LRRC4C: variants seen among roughly 807,000 people sequenced by gnomAD.
The protein encoded by LRRC4C is leucine rich repeat containing 4C, also known as leucine-rich repeat-containing protein 4C.
Under a neutral mutation model 33.6 loss-of-function variants are expected in LRRC4C, and 5 were observed. The ratio of observed to expected loss-of-function variants is 0.15; its 90% confidence interval spans 0.08 to 0.31. LRRC4C has a LOEUF of 0.31. Among genes scored for constraint, LRRC4C ranks in the 10% least tolerant of loss-of-function variants. The probability of loss-of-function intolerance (pLI) is 1.00; values close to 1 mark genes in which losing one functional copy is unlikely to be tolerated. For missense variants in LRRC4C, 560 were observed against 796.7 expected, an observed-to-expected ratio of 0.70 and a Z score of 3.58; for synonymous variants, 329 against 302.0, an observed-to-expected ratio of 1.09 and a Z score of -0.93.
intron 3 of LRRC4C, among the ~76,000 whole-genome samples, chr11:40,365,233 T>TA (rs1948154789): frequency 1.3e-5 from 2 of 152,082 alleles, no homozygotes; most frequent in Admixed American, 6.6e-5. Flanking sequence ...ATATACGATT[T>TA]AAAATTAAAA....
chr11:40,822,913 C>T (rs774395637), intron 2 of LRRC4C, among the ~76,000 whole-genome samples: 15 of 151,654 alleles, frequency 9.9e-5, no homozygotes, highest in Non-Finnish European at 2.2e-4. Flanking sequence ...TTTCCCAGCA[C>T]CATTTATAGA....
At chr11:41,356,253 T>C (rs1184134935) in intron 1 of LRRC4C, among the ~76,000 whole-genome samples, 1 of 152,190 alleles carries the variant, frequency 6.6e-6, no homozygotes, top group Admixed American at 6.5e-5. Context: ...AATGATGTTA[T>C]AGGTACCAGA....
chr11:41,344,696 C>T (rs995290817), intron 1 of LRRC4C, among the ~76,000 whole-genome samples: 6 of 152,208 alleles, frequency 3.9e-5, no homozygotes, highest in African/African-American at 1.2e-4. Context: ...TTTGTCTTCT[C>T]AGCTAGATTG....
At chr11:40,640,762 C>T (rs958015553) in intron 3 of LRRC4C, among the ~76,000 whole-genome samples, 1 of 152,018 alleles carries the variant, frequency 6.6e-6, no homozygotes, top group Non-Finnish European at 1.5e-5. Flanking sequence ...CGCCTGTAAT[C>T]CCAGCACTTT....
intron 3 of LRRC4C, among the ~76,000 whole-genome samples, chr11:40,470,464 G>A (rs563212807): frequency 2.0e-4 from 30 of 152,232 alleles, no homozygotes; most frequent in Non-Finnish European, 2.5e-4. Context: ...TCCAAAAACC[G>A]GAATGTCTCT....
At chr11:41,427,521 G>T (rs146497761) in intron 1 of LRRC4C, among the ~76,000 whole-genome samples, 32 of 152,288 alleles carry the variant, frequency 2.1e-4, no homozygotes, top group African/African-American at 7.2e-4. Flanking sequence ...CTGAGTTAGG[G>T]TTCTACGAAG....
intron 1 of LRRC4C, among the ~76,000 whole-genome samples, chr11:41,146,120 C>G (rs1022419384): frequency 6.6e-6 from 1 of 152,122 alleles, no homozygotes; most frequent in African/African-American, 2.4e-5. Context: ...ATTACAAATT[C>G]TATTTTGCAT....
intron 3 of LRRC4C, among the ~76,000 whole-genome samples, chr11:40,389,643 A>T (rs1392275132): frequency 6.6e-6 from 1 of 152,166 alleles, no homozygotes; most frequent in African/African-American, 2.4e-5. Flanking sequence ...AGTTGTTAAT[A>T]ATTATTACAG....
chr11:40,324,115 T>C (rs1345924978), intron 3 of LRRC4C, among the ~76,000 whole-genome samples: 2 of 152,180 alleles, frequency 1.3e-5, no homozygotes, highest in South Asian at 4.1e-4. Context: ...CATACTCACA[T>C]AGAAGTGTGA....
chr11:41,338,935 G>T (rs1258325481), intron 1 of LRRC4C, among the ~76,000 whole-genome samples: 1 of 151,834 alleles, frequency 6.6e-6, no homozygotes, highest in South Asian at 2.1e-4. Context: ...TCCAGAGCTT[G>T]CTACTAGAAT....
intron 1 of LRRC4C, among the ~76,000 whole-genome samples, chr11:41,399,430 G>A (rs1487672016): frequency 6.6e-6 from 1 of 151,920 alleles, no homozygotes; most frequent in Non-Finnish European, 1.5e-5. Flanking sequence ...ATTGCAATGA[G>A]TGCATGAAAT....
At chr11:40,616,600 G>A (rs1961858993) in intron 3 of LRRC4C, among the ~76,000 whole-genome samples, 1 of 151,794 alleles carries the variant, frequency 6.6e-6, no homozygotes. Context: ...ATGAGTTCAT[G>A]TCCTTTGTAG....
At chr11:41,116,820 A>G (rs1942157241) in intron 1 of LRRC4C, among the ~76,000 whole-genome samples, 1 of 152,206 alleles carries the variant, frequency 6.6e-6, no homozygotes, top group East Asian at 1.9e-4. Flanking sequence ...AACAAAAGCT[A>G]TAAGTACAAT....
chr11:40,319,459 G>A (rs1055274763), intron 4 of LRRC4C, among the ~76,000 whole-genome samples, 169 bp downstream of exon 4: 16 of 152,086 alleles, frequency 1.1e-4, no homozygotes, highest in South Asian at 2.1e-4. Flanking sequence ...CGTTTTTGCC[G>A]CATGCACTGA....
intron 1 of LRRC4C, among the ~76,000 whole-genome samples, chr11:40,954,042 C>A (rs1276733056): frequency 2.0e-5 from 3 of 151,828 alleles, no homozygotes; most frequent in African/African-American, 4.8e-5. Flanking sequence ...GAGAAAGCAG[C>A]AAACTTTCAT....
intron 1 of LRRC4C, among the ~76,000 whole-genome samples, chr11:40,977,725 C>T (rs1486691571): frequency 6.6e-6 from 1 of 152,128 alleles, no homozygotes; most frequent in African/African-American, 2.4e-5. Context: ...CTGACAAGTG[C>T]CTCAAAACTT....
intron 1 of LRRC4C, among the ~76,000 whole-genome samples, chr11:40,945,023 C>CTTTTT (rs767515626): frequency 4.1e-4 from 46 of 111,080 alleles, no homozygotes; most frequent in Non-Finnish European, 5.4e-4. Flanking sequence ...TGCAGTTTTT[C>CTTTTT]TTTTTTTTTT....
intron 4 of LRRC4C, among the ~76,000 whole-genome samples, chr11:40,282,367 AC>A (rs1371862412): frequency 6.6e-6 from 1 of 151,990 alleles, no homozygotes; most frequent in Non-Finnish European, 1.5e-5. Context: ...AAACAAAACA[AC>A]AAAAAAACCC....
intron 2 of LRRC4C, among the ~76,000 whole-genome samples, chr11:40,816,315 C>T (rs1388514907): frequency 6.6e-6 from 1 of 152,186 alleles, no homozygotes; most frequent in Non-Finnish European, 1.5e-5. Flanking sequence ...TTACTCTTCA[C>T]TCTCCATTGA....
Sources: gnomAD v4.1 joint callset for allele counts (sites outside exome capture counted in the v4.1 genomes callset) on GRCh38, gnomAD v4.1.1 for gene constraint, MANE v1.5 for transcripts, NCBI Gene and HGNC (gene_info 2026-07-23, HGNC 2026-07-21) for gene names.